WWP1: variants seen among roughly 807,000 people sequenced by gnomAD.
WWP1 encodes the protein WW domain containing E3 ubiquitin protein ligase 1.
A neutral mutation model predicts 130.6 loss-of-function variants in WWP1; 49 were observed. That is an observed-to-expected ratio of 0.38 (90% CI 0.30 to 0.48). WWP1 has a LOEUF of 0.48. Ranked by LOEUF, WWP1 falls within the 20% of genes least tolerant of loss-of-function variation. The pLI is 0.99. For synonymous variants in WWP1, 332 were observed against 367.8 expected, an observed-to-expected ratio of 0.90 and a Z score of 1.11; for missense variants, 809 against 1,100.6, an observed-to-expected ratio of 0.74 and a Z score of 3.75.
At position 86,402,309 on chromosome 8, in the gene WWP1, G is replaced by C. The variant is rs988794831; in HGVS notation, c.724+106G>C. ...TTTTGTGTAGTCTTTTTTTTGAGAC[G>C]GAGTCTCGCTCTGTCACCCAGGCTG... On this transcript the variant is annotated intron_variant, in intron 8 of 24. Coordinates refer to ENST00000517970, the MANE Select transcript of WWP1 (RefSeq NM_007013.4). 6.7e-6 allele frequency: 9 copies of C among 1,342,482 alleles called. No homozygotes were observed. In the African/African-American group the frequency reaches 1.3e-4, roughly 20 times the overall value. 83.2% of individuals were successfully genotyped at this position (1,342,482 alleles called of 1,614,324 possible).
At chr8:86,398,688 T>G (rs1338331972) in intron 7 of WWP1, 50 bp downstream of exon 7, 1 of 1,582,768 alleles carries the variant, frequency 6.3e-7, no homozygotes, top group African/African-American at 1.4e-5. Context: ...GGAACATATT[T>G]CCTGAATAAG....
intron 8 of WWP1, among the ~76,000 whole-genome samples, chr8:86,405,503 T>C (rs979096625): frequency 1.3e-5 from 2 of 152,124 alleles, no homozygotes; most frequent in Admixed American, 6.6e-5. Flanking sequence ...CCAGGCATAG[T>C]GTAATATACA....
chr8:86,396,565 ATTTT>A (rs57138089), intron 5 of WWP1, among the ~76,000 whole-genome samples: 1 of 139,692 alleles, frequency 7.2e-6, no homozygotes, highest in Non-Finnish European at 1.5e-5. Flanking sequence ...TGGTTTAAAC[ATTTT>A]TTTTTTTTTT....
At chr8:86,353,319 C>T (rs933842349) in intron 1 of WWP1, among the ~76,000 whole-genome samples, 1 of 152,150 alleles carries the variant, frequency 6.6e-6, no homozygotes, top group Non-Finnish European at 1.5e-5. Flanking sequence ...AAATCTGATC[C>T]TGTCATCAGA....
At chr8:86,374,146 G>T (rs761476187) in intron 3 of WWP1, 26 bp downstream of exon 3, 6 of 1,558,030 alleles carry the variant, frequency 3.9e-6, no homozygotes, top group Non-Finnish European at 5.2e-6. Context: ...ATTTAATATG[G>T]TGATTCCCTG....
At chr8:86,413,601 A>T (rs1248773571) in intron 9 of WWP1, among the ~76,000 whole-genome samples, 5 of 152,326 alleles carry the variant, frequency 3.3e-5, no homozygotes, top group Admixed American at 3.3e-4. Context: ...TGGAGGCACG[A>T]GTGGTGAAAA....
At chr8:86,466,768 C>G (rs912663224) in intron 24 of WWP1, 26 bp from the exon 25 acceptor site, 2 of 1,437,038 alleles carry the variant, frequency 1.4e-6, no homozygotes, top group African/African-American at 1.4e-5. Context: ...TTGAAAACAT[C>G]TGATTTTGTT....
At chr8:86,425,776 A>G (rs1208506893) in intron 10 of WWP1, among the ~76,000 whole-genome samples, 1 of 152,228 alleles carries the variant, frequency 6.6e-6, no homozygotes, top group African/African-American at 2.4e-5. Flanking sequence ...AAATTGTAGA[A>G]GGTTTTAAAT....
intron 5 of WWP1, among the ~76,000 whole-genome samples, chr8:86,391,754 A>G (rs142208282): frequency 2.0e-3 from 306 of 152,240 alleles, no homozygotes; most frequent in Non-Finnish European, 3.6e-3. Flanking sequence ...AAGCTTGGTC[A>G]GTGTAAATGC....
At chr8:86,344,158 T>A (rs1173647925) in intron 1 of WWP1, among the ~76,000 whole-genome samples, 1 of 152,194 alleles carries the variant, frequency 6.6e-6, no homozygotes, top group Non-Finnish European at 1.5e-5. Context: ...GTTAGTATTT[T>A]AAAAAATGGA....
chr8:86,422,565 G>T (rs888175139), intron 9 of WWP1, among the ~76,000 whole-genome samples: 1 of 151,540 alleles, frequency 6.6e-6, no homozygotes, highest in Non-Finnish European at 1.5e-5. Flanking sequence ...TAGAGATGGG[G>T]TTTCTCCATG....
intron 2 of WWP1, among the ~76,000 whole-genome samples, chr8:86,370,941 C>T (rs1362465855): frequency 1.5e-5 from 2 of 134,750 alleles, no homozygotes; most frequent in African/African-American, 5.8e-5. Flanking sequence ...TCTTAGCTCA[C>T]TGCAACCTCT....
At chr8:86,373,486 A>T (rs943357630) in intron 2 of WWP1, among the ~76,000 whole-genome samples, 2 of 152,100 alleles carry the variant, frequency 1.3e-5, no homozygotes, top group Non-Finnish European at 2.9e-5. Context: ...TTCCCACCCC[A>T]TGTAGACTGT....
chr8:86,447,954 TATAAA>T (rs1203154409), intron 18 of WWP1, among the ~76,000 whole-genome samples, 189 bp from the exon 19 acceptor site: 1 of 152,228 alleles, frequency 6.6e-6, no homozygotes, highest in Non-Finnish European at 1.5e-5. Context: ...AGCTATGTGT[TATAAA>T]ATAGATTGTT....
Position 86,374,022 on chromosome 8 carries a change from TAAAATAGG to T in WWP1, c.-21-7_-21del. Reference sequence around the variant, plus strand: ...AACACATGAATAAATTCCCCTTTTTTAAAATAGGTTTTAGCTGAATTTTGGGACATGGC... The same window carrying T: ...AACACATGAATAAATTCCCCTTTTTTTTTTAGCTGAATTTTGGGACATGGC... On this transcript the variant is annotated splice_acceptor_variant and splice_polypyrimidine_tract_variant and 5_prime_UTR_variant and intron_variant, in exon 3 of 25. Coordinates refer to ENST00000517970, the MANE Select transcript of WWP1 (RefSeq NM_007013.4). LOFTEE classifies it low-confidence loss of function (5UTR_SPLICE). The T allele has an allele frequency of 6.3e-7, 1 of 1,584,680 alleles. No homozygotes were observed. The highest frequency in any genetic ancestry group is 1.9e-5 in the Admixed American group (1 of 52,304).
chr8:86,442,746 T>C lies in WWP1; in HGVS notation c.1966T>C (p.Tyr656His), dbSNP rs1396782946. 6.2e-7 allele frequency: 1 copy of C among 1,610,244 alleles called. No homozygotes were observed. The highest frequency in any genetic ancestry group is 8.5e-7 in the Non-Finnish European group (1 of 1,178,902). The change falls in exon 18 of 25, where the codon TAC becomes CAC. Residue 656 changes from tyrosine (Y) to histidine (H), a missense_variant. This residue lies in a region of WWP1 where 450 missense variants were observed against 674.2 expected (regional missense o/e 0.67). Coordinates refer to ENST00000517970, the MANE Select transcript of WWP1 (RefSeq NM_007013.4). The stretch of plus-strand genomic sequence containing the variant: ...AACCATTAATCCAGACCATCTTTCA[T>C]ACTTCTGTTTCATTGGTCGTTTTAT... ...ASTINPDHLS[Y>H]FCFIGRFIAM...
At chr8:86,450,466 C>T (rs1364745967) in intron 20 of WWP1, among the ~76,000 whole-genome samples, 2 of 152,030 alleles carry the variant, frequency 1.3e-5, no homozygotes, top group African/African-American at 4.8e-5. Flanking sequence ...CCACAAAGTC[C>T]AACAAAAATA....
chr8:86,463,918 G>T (rs1268814902), intron 24 of WWP1, among the ~76,000 whole-genome samples: 1 of 151,698 alleles, frequency 6.6e-6, no homozygotes, highest in African/African-American at 2.4e-5. Flanking sequence ...AAAATTAGCC[G>T]GGTGTGGTGG....
intron 1 of WWP1, among the ~76,000 whole-genome samples, chr8:86,359,769 G>A (rs1049794588): frequency 5.3e-5 from 8 of 152,014 alleles, no homozygotes; most frequent in African/African-American, 1.9e-4. Flanking sequence ...AACAGTCCTC[G>A]GCGGGCGCAG....
Sources: allele counts gnomAD v4.1 joint callset (sites outside exome capture counted in the v4.1 genomes callset), GRCh38; gene constraint gnomAD v4.1.1; regional missense constraint gnomAD v4.1.1; transcripts MANE v1.5; gene names NCBI Gene and HGNC (gene_info 2026-07-23, HGNC 2026-07-21).